Variants in RPGRIP1L observed in about 807,000 individuals in gnomAD.
RPGRIP1L encodes RPGRIP1 like.
Under a neutral mutation model 160.4 loss-of-function variants are expected in RPGRIP1L, and 131 were observed. The observed-to-expected ratio is 0.82, with a 90% CI of 0.71 to 0.94. The LOEUF is 0.94. RPGRIP1L is among the 40% of genes least tolerant of loss of function. RPGRIP1L has a pLI of 0.00. For synonymous variants in RPGRIP1L, 510 were observed against 515.8 expected, an observed-to-expected ratio of 0.99 and a Z score of 0.15; for missense variants, 1,522 against 1,535.8, an observed-to-expected ratio of 0.99 and a Z score of 0.15.
At chr16:53,609,120 G>A (rs1316272023) in intron 25 of RPGRIP1L, among the ~76,000 whole-genome samples, 1 of 152,162 alleles carries the variant, frequency 6.6e-6, no homozygotes, top group Non-Finnish European at 1.5e-5. Context: ...ACAGGGTCTT[G>A]CTCTCTCACC....
In RPGRIP1L at chr16:53,692,147, A is replaced by G. The variant is rs773397219; in HGVS notation, c.448T>C (p.Tyr150His). 6.2e-7 allele frequency: 1 copy of G among 1,613,856 alleles called. No individual in the cohort carries two copies. The highest frequency in any genetic ancestry group is 8.5e-7 in the Non-Finnish European group (1 of 1,179,984). ...LQTQGYRQTP[Y>H]NNVQSRINTG... ...TTAATACGAGATTGTACATTATTGT[A>G]TGGAGTTTGCCTGTAACCCTGGGTT... The change falls in exon 4 of 27, where the codon TAC becomes CAC. Residue 150 changes from tyrosine to histidine, a missense_variant. Transcript: ENST00000647211.
At position 53,666,127 on chromosome 16, in the gene RPGRIP1L, A is replaced by C. The variant is rs145257277; in HGVS notation, c.1104-1118T>G. Among the ~76,000 whole-genome samples the C allele has an allele frequency of 1.1e-3, 164 of 152,304 alleles. 1 individual carries two copies. Among genetic ancestry groups the C allele is most frequent in the Non-Finnish European group, 6.5e-4 (44 of 68,016 alleles). On this transcript the variant is annotated intron_variant, in intron 9 of 26. Coordinates refer to ENST00000647211, the MANE Select transcript of RPGRIP1L (RefSeq NM_015272.5). ...AACATATTACTGGAAATTGCCCTTA[A>C]TGTTGCTCCCAACTAGTCTTCAGTT...
At chr16:53,643,539 C>T (rs1022295523) in intron 17 of RPGRIP1L, among the ~76,000 whole-genome samples, 11 of 152,134 alleles carry the variant, frequency 7.2e-5, no homozygotes, top group African/African-American at 2.7e-4. Flanking sequence ...ATGCCACACA[C>T]TGACCCATAG....
At chr16:53,684,671 A>C (rs1276978801) in intron 6 of RPGRIP1L, among the ~76,000 whole-genome samples, 1 of 152,110 alleles carries the variant, frequency 6.6e-6, no homozygotes. Context: ...GCAGCACACC[A>C]ACATCGCACA....
At chr16:53,635,450 T>G (rs1303958624) in intron 22 of RPGRIP1L, 1 of 152,210 alleles carries the variant, frequency 6.6e-6, no homozygotes, top group Non-Finnish European at 1.5e-5. Context: ...TCTGTTCTAT[T>G]GTTTTGCTTT....
At position 53,637,787 on chromosome 16, in the gene RPGRIP1L, T is replaced by C; in HGVS notation, c.3128A>G (p.Asp1043Gly). 6.2e-7 allele frequency: 1 copy of C among 1,613,280 alleles called. No individual in the cohort carries two copies. The highest frequency in any genetic ancestry group is 8.5e-7 in the Non-Finnish European group (1 of 1,179,730). ...CTGACCTTCAGATAGTAAAGACACA[T>C]CATCTTTTCCTTGCTGCATTTTCTC... Reference protein sequence around the residue: ...NTEKMQQGKDDVSLLSEGQLA... With the variant: ...NTEKMQQGKDGVSLLSEGQLA... Residue 1043 changes from aspartate (D) to glycine (G), a missense_variant, in exon 21 of 27, where the codon GAT (aspartate) becomes GGT (glycine). Transcript: ENST00000647211.
chr16:53,695,720 G>C, intron 3 of RPGRIP1L: 1 of 394,540 alleles, frequency 2.5e-6, no homozygotes, highest in Non-Finnish European at 4.5e-6. Context: ...ATATGTTCCA[G>C]AGACTGAAGT....
At chr16:53,690,547 C>T (rs1036649606) in intron 4 of RPGRIP1L, among the ~76,000 whole-genome samples, 1 of 152,178 alleles carries the variant, frequency 6.6e-6, no homozygotes, top group African/African-American at 2.4e-5. Context: ...CCAGGCTAGA[C>T]TCAAACTCCT....
chr16:53,602,376 C>T (rs773187710), intron 26 of RPGRIP1L, among the ~76,000 whole-genome samples, 188 bp from the exon 27 acceptor site: 5 of 152,032 alleles, frequency 3.3e-5, no homozygotes, highest in African/African-American at 2.4e-5. Flanking sequence ...TGAGACGTAC[C>T]GCATGGACCT....
chr16:53,681,557 T>C (rs1029908017), intron 6 of RPGRIP1L, among the ~76,000 whole-genome samples: 3 of 152,174 alleles, frequency 2.0e-5, no homozygotes, highest in African/African-American at 7.2e-5. Context: ...TATAAGATTT[T>C]TTGCTAATGA....
intron 2 of RPGRIP1L, among the ~76,000 whole-genome samples, chr16:53,698,751 G>A (rs1299207156): frequency 1.3e-5 from 2 of 149,420 alleles, no homozygotes; most frequent in East Asian, 2.0e-4. Context: ...CAGCCGCCCC[G>A]TCTGGGAGGG....
At chr16:53,670,064 C>G (rs1488288735) in intron 9 of RPGRIP1L, among the ~76,000 whole-genome samples, 1 of 152,086 alleles carries the variant, frequency 6.6e-6, no homozygotes, top group Non-Finnish European at 1.5e-5. Context: ...ATGATTTTAA[C>G]TGGTGTCTGA....
In RPGRIP1L at chr16:53,611,063, GA is replaced by G. The variant is rs750499169; in HGVS notation, c.3617-13del. 109 of 1,572,654 alleles carry G rather than the reference GA, an allele frequency of 6.9e-5. No homozygotes were observed. Among genetic ancestry groups the G allele is most frequent in the Middle Eastern group, 1.7e-4 (1 of 5,956 alleles). ...ATCCACGTAGATCACTATACCAAAA[GA>G]AAAAAAAATGCCAAAAAGGAAGTCA... On this transcript the variant is annotated splice_polypyrimidine_tract_variant and intron_variant, in intron 24 of 26. Coordinates refer to ENST00000647211, the MANE Select transcript of RPGRIP1L (RefSeq NM_015272.5).
At chr16:53,673,061 A>G in intron 7 of RPGRIP1L, 45 bp from the exon 8 acceptor site, 1 of 1,550,372 alleles carries the variant, frequency 6.5e-7, no homozygotes, top group Non-Finnish European at 8.8e-7. Flanking sequence ...TTTTGACTAA[A>G]TGATTAAATT....
chr16:53,610,881 A>T (rs1215980505), intron 25 of RPGRIP1L, 86 bp downstream of exon 25: 2 of 1,100,826 alleles, frequency 1.8e-6, no homozygotes, highest in African/African-American at 3.1e-5. Context: ...CGGCTTCCTC[A>T]TCTTGTGCCT....
chr16:53,605,646 C>A (rs201461815), intron 25 of RPGRIP1L, 32 bp from the exon 26 acceptor site: 40 of 1,612,268 alleles, frequency 2.5e-5, no homozygotes, highest in Non-Finnish European at 3.2e-5. Context: ...AAAGTCACCA[C>A]CAAGTGAGAA....
intron 9 of RPGRIP1L, among the ~76,000 whole-genome samples, chr16:53,670,777 C>A (rs1235902743): frequency 6.6e-6 from 1 of 152,072 alleles, no homozygotes; most frequent in Non-Finnish European, 1.5e-5. Flanking sequence ...GAGGTTCAAA[C>A]ACAAGCTCTA....
At chr16:53,625,427 G>T (rs567091319) in intron 22 of RPGRIP1L, among the ~76,000 whole-genome samples, 123 of 148,594 alleles carry the variant, frequency 8.3e-4, no homozygotes, top group Admixed American at 2.1e-3. Context: ...CCCGTCTGGG[G>T]GGTGGGGTGG....
chr16:53,677,716 C>T (rs1286089848), intron 6 of RPGRIP1L, among the ~76,000 whole-genome samples: 2 of 152,080 alleles, frequency 1.3e-5, no homozygotes, highest in Non-Finnish European at 2.9e-5. Context: ...GTAGGCAACA[C>T]GGAGCTAGGG....
Sources: gnomAD v4.1 joint callset for allele counts (sites outside exome capture counted in the v4.1 genomes callset) on GRCh38, gnomAD v4.1.1 for gene constraint, MANE v1.5 for transcripts, NCBI Gene and HGNC (gene_info 2026-07-23, HGNC 2026-07-21) for gene names.